AKAP19: variants seen among roughly 807,000 people sequenced by gnomAD.
AKAP19 encodes small A-kinase anchoring protein.
the AKAP19 span, among the ~76,000 whole-genome samples, chr2:190,090,607 G>A: frequency 6.6e-6 from 1 of 152,154 alleles, no homozygotes; most frequent in East Asian, 1.9e-4. Flanking sequence ...CAAGTTAGCT[G>A]CCATAGCTAA....
At chr2:189,965,369 G>A in the AKAP19 span, among the ~76,000 whole-genome samples, 2 of 152,022 alleles carry the variant, frequency 1.3e-5, no homozygotes, top group Non-Finnish European at 2.9e-5. Context: ...ACTAAAATGT[G>A]ATGTACAGTC....
At chr2:190,179,191 T>C in the AKAP19 span, among the ~76,000 whole-genome samples, 1 of 152,146 alleles carries the variant, frequency 6.6e-6, no homozygotes, top group Non-Finnish European at 1.5e-5. This position sits in a 1 kb window ranked among gnomAD's most constrained non-coding sequence, Gnocchi z 6.0. Context: ...ATGGATCACC[T>C]GAGGTCTGGG....
chr2:190,073,543 T>A, the AKAP19 span, among the ~76,000 whole-genome samples: 1 of 151,760 alleles, frequency 6.6e-6, no homozygotes, highest in Non-Finnish European at 1.5e-5. Context: ...CCTTCTAGAA[T>A]TAAAATAATT....
chr2:189,881,006 G>T, the AKAP19 span, among the ~76,000 whole-genome samples: 11 of 152,178 alleles, frequency 7.2e-5, no homozygotes, highest in African/African-American at 2.6e-4. Context: ...AGTGACATAC[G>T]TGACATACAT....
At chr2:190,140,527 G>T in the AKAP19 span, among the ~76,000 whole-genome samples, 1 of 152,180 alleles carries the variant, frequency 6.6e-6, no homozygotes, top group South Asian at 2.1e-4. Context: ...GCACCTGCAG[G>T]CTCAACACCA....
chr2:189,898,225 G>A, the AKAP19 span, among the ~76,000 whole-genome samples: 4 of 151,632 alleles, frequency 2.6e-5, no homozygotes, highest in Non-Finnish European at 4.4e-5. Context: ...TGAGAGAATA[G>A]GAACTAAAGC....
chr2:189,958,922 A>G, the AKAP19 span, among the ~76,000 whole-genome samples: 1 of 152,144 alleles, frequency 6.6e-6, no homozygotes, highest in Non-Finnish European at 1.5e-5. Context: ...TTGAGCTGCA[A>G]CTGTATGTGG....
chr2:189,939,158 A>T, the AKAP19 span, among the ~76,000 whole-genome samples: 1 of 152,178 alleles, frequency 6.6e-6, no homozygotes, highest in East Asian at 1.9e-4. Flanking sequence ...CAGCCATGGA[A>T]ACTCTGCTCT....
chr2:190,086,449 G>A, the AKAP19 span, among the ~76,000 whole-genome samples: 1 of 152,012 alleles, frequency 6.6e-6, no homozygotes, highest in African/African-American at 2.4e-5. Context: ...CCATAATTAG[G>A]TTCAAATCCT....
At chr2:190,059,265 G>A in the AKAP19 span, among the ~76,000 whole-genome samples, 1,417 of 151,938 alleles carry the variant, frequency 9.3e-3, 28 homozygotes, top group African/African-American at 0.032. Context: ...AGCCAGAAGA[G>A]TAACCCTAAA....
chr2:190,036,402 A>C, the AKAP19 span, among the ~76,000 whole-genome samples: 1 of 150,936 alleles, frequency 6.6e-6, no homozygotes, highest in African/African-American at 2.5e-5. Flanking sequence ...CAGATCCCAG[A>C]TTTATTTTTC....
the AKAP19 span, among the ~76,000 whole-genome samples, chr2:190,027,714 T>A: frequency 3.3e-5 from 5 of 152,334 alleles, no homozygotes; most frequent in Admixed American, 1.3e-4. Context: ...AACAGTTATG[T>A]GAAACTGATA....
At chr2:189,926,283 TTTTTG>T in the AKAP19 span, among the ~76,000 whole-genome samples, 1 of 152,164 alleles carries the variant, frequency 6.6e-6, no homozygotes, top group Non-Finnish European at 1.5e-5. Context: ...TTTTACACTT[TTTTTG>T]TTTTGTTTTG....
chr2:190,021,981 A>G, the AKAP19 span, among the ~76,000 whole-genome samples: 1 of 152,168 alleles, frequency 6.6e-6, no homozygotes, highest in East Asian at 1.9e-4. Context: ...GGAGTCCCAA[A>G]GCAACAAATG....
chr2:189,915,059 A>G, the AKAP19 span, among the ~76,000 whole-genome samples: 1 of 152,172 alleles, frequency 6.6e-6, no homozygotes, highest in Non-Finnish European at 1.5e-5. Context: ...TAAATCGTTT[A>G]GGCAACTTGC....
the AKAP19 span, among the ~76,000 whole-genome samples, chr2:190,009,654 C>A: frequency 6.6e-6 from 1 of 152,124 alleles, no homozygotes; most frequent in East Asian, 1.9e-4. Context: ...TTTGGATAAT[C>A]AAGTCTGGGG....
the AKAP19 span, among the ~76,000 whole-genome samples, chr2:190,157,793 G>A: frequency 2.0e-5 from 3 of 151,978 alleles, no homozygotes; most frequent in Admixed American, 2.0e-4. Flanking sequence ...AACAAGAAAA[G>A]GTTTAGTTAT....
the AKAP19 span, among the ~76,000 whole-genome samples, chr2:190,031,590 T>C: frequency 6.6e-6 from 1 of 152,094 alleles, no homozygotes; most frequent in African/African-American, 2.4e-5. Context: ...TAATGAAGAA[T>C]TGCTGGAAAT....
At chr2:190,060,720 C>T in the AKAP19 span, among the ~76,000 whole-genome samples, 1 of 151,850 alleles carries the variant, frequency 6.6e-6, no homozygotes, top group Non-Finnish European at 1.5e-5. Context: ...GTAATGAACG[C>T]TGAATGAAAT....
Sources: gnomAD v4.1 joint callset for allele counts (sites outside exome capture counted in the v4.1 genomes callset) on GRCh38, gnomAD v4.1.1 for gene constraint, Gnocchi (gnomAD v3.1) non-coding constraint, MANE v1.5 for transcripts, NCBI Gene and HGNC (gene_info 2026-07-23, HGNC 2026-07-21) for gene names.